The following LYPD5 variants were observed in gnomAD, a reference collection of about 807,000 sequenced individuals.
LYPD5 encodes ly6/PLAUR domain-containing protein 5.
In LYPD5, 21 loss-of-function variants were observed where a neutral mutation model predicts 19.1. The observed-to-expected ratio is 1.10, with a 90% CI of 0.78 to 1.58. The LOEUF (loss-of-function observed/expected upper bound fraction) is 1.58, where lower values mean the gene tolerates loss of function less well. Among genes scored for constraint, LYPD5 ranks in the 40% most tolerant of loss-of-function variants. The pLI, the probability that LYPD5 is intolerant of heterozygous loss-of-function variation, is 0.00. For synonymous variants in LYPD5, 128 were observed against 142.7 expected (o/e 0.90, Z 0.74); for missense variants, 287 against 329.8 (o/e 0.87, Z 1.00).
Position 43,802,391 on chromosome 19 carries a change from GGC to G in LYPD5, c.-13_-12del. ...GACCCCCATTGCCATTGCTGAGCTG[GGC>G]CACCTGGGACAGCTCCTCCCGCTGT... On this transcript the variant is annotated 5_prime_UTR_variant, in exon 1 of 5. Transcript: ENST00000377950. 2 of 1,551,186 alleles carry G rather than the reference GGC, an allele frequency of 1.3e-6. No individual in the cohort carries two copies. Among genetic ancestry groups the G allele is most frequent in the South Asian group, 2.4e-5 (2 of 84,038 alleles).
intron 1 of LYPD5, among the ~76,000 whole-genome samples, chr19:43,817,931 G>T (rs1568407863): frequency 6.6e-6 from 1 of 151,964 alleles, no homozygotes; most frequent in Non-Finnish European, 1.5e-5. Context: ...GGCCAGGATG[G>T]TCTCTATTTC....
At chr19:43,819,687 A>C (rs902117498) in intron 1 of LYPD5, among the ~76,000 whole-genome samples, 1 of 152,080 alleles carries the variant, frequency 6.6e-6, no homozygotes, top group Non-Finnish European at 1.5e-5. Context: ...GTTTGAGGGG[A>C]GGTACACAGG....
At chr19:43,806,755 A>G (rs1970274008), upstream of LYPD5, among the ~76,000 whole-genome samples, 3 of 152,222 alleles carry the variant, frequency 2.0e-5, no homozygotes, top group Non-Finnish European at 4.4e-5. Flanking sequence ...ATTTCATCAT[A>G]TATTACAATG....
intron 1 of LYPD5, among the ~76,000 whole-genome samples, chr19:43,813,295 A>T (rs533818275): frequency 3.9e-5 from 6 of 152,170 alleles, no homozygotes; most frequent in African/African-American, 1.4e-4. Context: ...GTTGTTAAAA[A>T]GTCTGGGAAC....
At chr19:43,806,687 A>G (rs1189117113), upstream of LYPD5, among the ~76,000 whole-genome samples, 1 of 146,520 alleles carries the variant, frequency 6.8e-6, no homozygotes, top group East Asian at 2.0e-4. Flanking sequence ...ACAAAACAAA[A>G]CAAACCCAAC....
intron 1 of LYPD5, among the ~76,000 whole-genome samples, chr19:43,807,795 G>C (rs563255324): frequency 6.6e-6 from 1 of 152,334 alleles, no homozygotes; most frequent in African/African-American, 2.4e-5. Context: ...ACCCCAGGGG[G>C]AGGTCTGGCA....
intron 2 of LYPD5, 47 bp downstream of exon 2, chr19:43,799,659 T>C: frequency 4.5e-6 from 7 of 1,568,346 alleles, no homozygotes; most frequent in Non-Finnish European, 8.7e-7. Context: ...CTCCCCCCTT[T>C]TTCCTCCCTA....
chr19:43,805,325 T>C (rs1213682174), upstream of LYPD5, among the ~76,000 whole-genome samples: 7 of 152,194 alleles, frequency 4.6e-5, no homozygotes, highest in Non-Finnish European at 1.0e-4. Context: ...CAAGTCATAA[T>C]TGTAATGCGT....
At chr19:43,806,622 C>T (rs975120667), upstream of LYPD5, among the ~76,000 whole-genome samples, 9 of 152,060 alleles carry the variant, frequency 5.9e-5, no homozygotes, top group African/African-American at 1.7e-4. Context: ...GATCACACCA[C>T]TGCAGTCCAG....
upstream of LYPD5, among the ~76,000 whole-genome samples, chr19:43,802,786 C>CACGT (rs1970239490): frequency 6.6e-6 from 1 of 152,020 alleles, no homozygotes; most frequent in Middle Eastern, 3.2e-3. Context: ...CACCCAAAGA[C>CACGT]ACGTTCATCG....
chr19:43,805,594 G>A (rs1382035934), upstream of LYPD5, among the ~76,000 whole-genome samples: 7 of 152,124 alleles, frequency 4.6e-5, no homozygotes, highest in South Asian at 4.1e-4. Flanking sequence ...TGGAACCTCC[G>A]CCTCCCAGGT....
intron 1 of LYPD5, chr19:43,815,690 T>C: frequency 3.5e-6 from 1 of 286,032 alleles, no homozygotes; most frequent in South Asian, 3.3e-5. Context: ...AAATCATATA[T>C]GTTATATATA....
chr19:43,797,199 A>T lies in LYPD5; in HGVS notation c.*392T>A, dbSNP rs1293367023. On this transcript the variant is annotated 3_prime_UTR_variant, in exon 5 of 5. Transcript: ENST00000377950. ...TACTAACTGTTAGGGCATACTGCTTATTGGGCTTCTCATGATGACACTAAT... is the reference window on the plus strand; with the variant it reads ...TACTAACTGTTAGGGCATACTGCTTTTTGGGCTTCTCATGATGACACTAAT... The T allele has an allele frequency of 5.7e-6, 1 of 174,592 alleles. No individual in the cohort carries two copies. The highest frequency in any genetic ancestry group is 1.2e-5 in the Non-Finnish European group (1 of 83,052). 10.8% of individuals were successfully genotyped at this position (174,592 alleles called of 1,614,324 possible). A position where few individuals can be genotyped will look rare whatever the true frequency, so the allele number is the denominator to read the frequency against.
chr19:43,815,425 C>G (rs758587446), intron 1 of LYPD5, among the ~76,000 whole-genome samples: 8 of 151,574 alleles, frequency 5.3e-5, no homozygotes, highest in Non-Finnish European at 1.2e-4. Context: ...AATTTAAAAA[C>G]TAGCTGTGCA....
chr19:43,808,426 G>C (rs1028059960), intron 1 of LYPD5, among the ~76,000 whole-genome samples: 1 of 152,150 alleles, frequency 6.6e-6, no homozygotes, highest in Non-Finnish European at 1.5e-5. Context: ...TATTTAAGGT[G>C]AATAATTTTT....
chr19:43,801,887 A>G (rs1042271556), intron 1 of LYPD5, among the ~76,000 whole-genome samples: 3 of 152,086 alleles, frequency 2.0e-5, no homozygotes, highest in African/African-American at 7.2e-5. Flanking sequence ...CTAGCCCACA[A>G]TGGGGTAGAG....
intron 1 of LYPD5, 32 bp from the exon 2 acceptor site, chr19:43,799,866 G>A (rs763687376): frequency 1.3e-5 from 20 of 1,579,074 alleles, no homozygotes; most frequent in Non-Finnish European, 1.6e-5. Context: ...AGTCAGCAGG[G>A]CCAGTGTGAG....
chr19:43,798,807 C>T lies in LYPD5; in HGVS notation c.370+5G>A, dbSNP rs1365359479. Reference sequence around the variant, plus strand: ...CCCGGAGCCCAGCCCCGCTCTCCCGCGCACCTTGGCTCAGGTTGGGGAGGG... The same window carrying T: ...CCCGGAGCCCAGCCCCGCTCTCCCGTGCACCTTGGCTCAGGTTGGGGAGGG... On this transcript the variant is annotated splice_donor_5th_base_variant and intron_variant, in intron 3 of 4. Transcript: ENST00000377950. 1 of 1,606,118 alleles carries T rather than the reference C, an allele frequency of 6.2e-7. No individual in the cohort carries two copies. The highest frequency in any genetic ancestry group is 1.3e-5 in the African/African-American group (1 of 74,850).
intron 1 of LYPD5, among the ~76,000 whole-genome samples, chr19:43,812,382 T>TATCA (rs1469017076): frequency 3.0e-5 from 3 of 101,306 alleles, no homozygotes; most frequent in East Asian, 2.4e-4. Flanking sequence ...TCTATCAATC[T>TATCA]ATCATCTATC....
Sources: gnomAD v4.1 joint callset for allele counts (sites outside exome capture counted in the v4.1 genomes callset) on GRCh38, gnomAD v4.1.1 for gene constraint, MANE v1.5 for transcripts, NCBI Gene and HGNC (gene_info 2026-07-23, HGNC 2026-07-21) for gene names.